The following DCDC1 variants were observed in gnomAD, a reference collection of about 807,000 sequenced individuals.
DCDC1 encodes doublecortin domain containing 1, also known as doublecortin domain-containing protein 1.
In DCDC1, 200 loss-of-function variants were observed where a neutral mutation model predicts 178.3. The ratio of observed to expected loss-of-function variants is 1.12; its 90% CI spans 1.00 to 1.26. The LOEUF (loss-of-function observed/expected upper bound fraction) is 1.26, where lower values mean the gene tolerates loss of function less well. Ranked by LOEUF, DCDC1 falls within the 50% of genes most tolerant of loss-of-function variation. The probability of loss-of-function intolerance (pLI) is 0.00; values close to 1 mark genes in which losing one functional copy is unlikely to be tolerated. For synonymous variants in DCDC1, 690 were observed against 604.8 expected, an observed-to-expected ratio of 1.14 and a Z score of -2.07; for missense variants, 1,983 against 1,749.2, an observed-to-expected ratio of 1.13 and a Z score of -2.38.
intron 8 of DCDC1, among the ~76,000 whole-genome samples, chr11:31,260,790 G>A (rs1384890799): frequency 6.6e-6 from 1 of 152,152 alleles, no homozygotes; most frequent in Non-Finnish European, 1.5e-5. Context: ...GTTTGGAAAT[G>A]TTAGGAGGAA....
rs150224500 is a variant in DCDC1, at chr11:31,189,909, G to A, written c.1221+51541C>T. Among the ~76,000 whole-genome samples the A allele has an allele frequency of 9.8e-3, 1,498 of 152,270 alleles. 22 individuals are homozygous for A. The highest frequency in any genetic ancestry group is 0.032 in the Admixed American group (497 of 15,296). On this transcript the variant is annotated intron_variant, in intron 9 of 38. Coordinates refer to ENST00000684477, the MANE Select transcript of DCDC1 (RefSeq NM_001387274.1). ...TCACAGGTTTGAGAAATGAGAACAT[G>A]AACATCTTTGAAGTGCCATTATTTG...
intron 20 of DCDC1, among the ~76,000 whole-genome samples, chr11:30,964,793 G>A (rs551528039): frequency 6.6e-6 from 1 of 152,270 alleles, no homozygotes; most frequent in East Asian, 1.9e-4. Context: ...CTTAACACAA[G>A]TGGGGAGGAT....
At chr11:30,924,765 A>C (rs959924253) in intron 23 of DCDC1, among the ~76,000 whole-genome samples, 1 of 152,136 alleles carries the variant, frequency 6.6e-6, no homozygotes, top group Non-Finnish European at 1.5e-5. Flanking sequence ...GTCTAGGATC[A>C]TGATGAACAT....
chr11:31,031,404 C>T (rs920712867), intron 20 of DCDC1, among the ~76,000 whole-genome samples: 5 of 151,992 alleles, frequency 3.3e-5, no homozygotes, highest in African/African-American at 1.2e-4. Flanking sequence ...ATGTAACTTA[C>T]TAAGAATTAA....
chr11:30,900,973 A>G (rs1193499013), intron 32 of DCDC1, among the ~76,000 whole-genome samples: 2 of 152,160 alleles, frequency 1.3e-5, no homozygotes, highest in Non-Finnish European at 2.9e-5. Context: ...TCTGATGAAC[A>G]TCCAATAAAT....
chr11:30,888,094 AAGAAAAAGAAAGAAAGAAAG>A (rs1565029586), intron 36 of DCDC1, among the ~76,000 whole-genome samples: 12 of 118,890 alleles, frequency 1.0e-4, no homozygotes, highest in African/African-American at 1.3e-4. Flanking sequence ...GAAAGAAAGA[AAGAAAAAGAAAGAAAGAAAG>A]AAAGAAAGAA....
At chr11:31,055,265 A>C (rs1243582026) in intron 20 of DCDC1, among the ~76,000 whole-genome samples, 1 of 152,210 alleles carries the variant, frequency 6.6e-6, no homozygotes, top group Non-Finnish European at 1.5e-5. Flanking sequence ...ATGGAAATGC[A>C]AATCAAAACC....
intron 1 of DCDC1, among the ~76,000 whole-genome samples, chr11:31,341,424 T>TAGATAGACAGATAGATAGATAGATAGAC: frequency 6.7e-6 from 1 of 150,338 alleles, no homozygotes; most frequent in Admixed American, 6.7e-5. Flanking sequence ...GATAGATAGA[T>TAGATAGACAGATAGATAGATAGATAGAC]AGATAGATAG....
intron 9 of DCDC1, among the ~76,000 whole-genome samples, chr11:31,158,084 C>G (rs1053722690): frequency 1.3e-5 from 2 of 149,168 alleles, no homozygotes; most frequent in Admixed American, 1.3e-4. Context: ...TTCAAATATA[C>G]AAAACATTGT....
intron 20 of DCDC1, among the ~76,000 whole-genome samples, chr11:31,019,689 T>C (rs1264899517): frequency 2.0e-5 from 3 of 152,216 alleles, no homozygotes; most frequent in African/African-American, 7.2e-5. Context: ...CTGTCTTCCC[T>C]GCCCTTAAAA....
intron 21 of DCDC1, among the ~76,000 whole-genome samples, chr11:30,936,710 G>A (rs914286972): frequency 1.3e-5 from 2 of 152,064 alleles, no homozygotes; most frequent in African/African-American, 4.8e-5. Flanking sequence ...TTCCCTTTAG[G>A]CACACTAAGG....
chr11:30,967,148 T>C (rs556112348), intron 20 of DCDC1, among the ~76,000 whole-genome samples: 2 of 93,356 alleles, frequency 2.1e-5, no homozygotes, highest in South Asian at 4.6e-4. Context: ...AGAAAGTCAT[T>C]GGTAGCTTGA....
chr11:31,365,443 T>C (rs1370520179), intron 1 of DCDC1, among the ~76,000 whole-genome samples: 1 of 152,100 alleles, frequency 6.6e-6, no homozygotes, highest in Non-Finnish European at 1.5e-5. Flanking sequence ...GAATAGTTGG[T>C]GATGGAACTA....
chr11:31,264,121 A>T (rs1183746467), intron 8 of DCDC1, among the ~76,000 whole-genome samples: 1 of 152,210 alleles, frequency 6.6e-6, no homozygotes, highest in Non-Finnish European at 1.5e-5. Flanking sequence ...TAATTCATTC[A>T]TGCCACATTT....
intron 26 of DCDC1, among the ~76,000 whole-genome samples, 171 bp downstream of exon 26, chr11:30,916,699 C>G (rs912742234): frequency 6.6e-6 from 1 of 152,020 alleles, no homozygotes; most frequent in South Asian, 2.1e-4. Flanking sequence ...AGTAAAGGAC[C>G]TTCCCGCAAA....
intron 9 of DCDC1, among the ~76,000 whole-genome samples, chr11:31,140,818 A>T (rs995986946): frequency 2.0e-5 from 3 of 152,216 alleles, no homozygotes; most frequent in Admixed American, 2.0e-4. Context: ...AACAATTTCC[A>T]TTGGTTGTTA....
chr11:31,023,054 G>A (rs936407875), intron 20 of DCDC1, among the ~76,000 whole-genome samples: 1 of 152,006 alleles, frequency 6.6e-6, no homozygotes, highest in Non-Finnish European at 1.5e-5. Flanking sequence ...ACACAGCAAA[G>A]GCTCCACTCT....
chr11:31,054,144 T>C (rs1421686760), intron 20 of DCDC1, among the ~76,000 whole-genome samples: 3 of 151,214 alleles, frequency 2.0e-5, no homozygotes, highest in East Asian at 2.0e-4. Flanking sequence ...ACAAGATTAA[T>C]GTACACAAAT....
chr11:31,266,672 C>G (rs1438341051), intron 7 of DCDC1, among the ~76,000 whole-genome samples: 1 of 152,174 alleles, frequency 6.6e-6, no homozygotes, highest in Non-Finnish European at 1.5e-5. Flanking sequence ...ACTGCTCAAA[C>G]CATCTTTCAG....
Sources: gnomAD v4.1 joint callset for allele counts (sites outside exome capture counted in the v4.1 genomes callset) on GRCh38, gnomAD v4.1.1 for gene constraint, MANE v1.5 for transcripts, NCBI Gene and HGNC (gene_info 2026-07-23, HGNC 2026-07-21) for gene names.